The following LRRC4C variants were observed in gnomAD, a reference collection of about 807,000 sequenced individuals.
The protein encoded by LRRC4C is leucine-rich repeat-containing protein 4C.
A neutral mutation model predicts 33.6 loss-of-function variants in LRRC4C; 5 were observed. That is an observed-to-expected ratio of 0.15 (90% confidence interval 0.08 to 0.31). The LOEUF (loss-of-function observed/expected upper bound fraction) is 0.31, where lower values mean the gene tolerates loss of function less well. Among genes scored for constraint, LRRC4C ranks in the 10% least tolerant of loss-of-function variants. The pLI is 1.00. For missense variants in LRRC4C, 560 were observed against 796.7 expected, an observed-to-expected ratio of 0.70 and a Z score of 3.58; for synonymous variants, 329 against 302.0, an observed-to-expected ratio of 1.09 and a Z score of -0.93.
Position 40,756,891 on chromosome 11 carries a change from AC to A in LRRC4C, c.-406-108614del, listed in dbSNP as rs1358534035. 5.3e-5 allele frequency among the ~76,000 whole-genome samples: 8 copies of A among 150,382 alleles called. No homozygotes were observed. In the South Asian group the frequency reaches 6.3e-4, roughly 12 times the overall value. On this transcript the variant is annotated intron_variant, in intron 2 of 6. Transcript: ENST00000528697. ...GCTTCATCCCATTTCTTTCTGTCAG[AC>A]TTTTTTTTTTCAAAATTTCCTTGAG...
chr11:41,413,419 A>G (rs1954564690), intron 1 of LRRC4C, among the ~76,000 whole-genome samples: 1 of 152,208 alleles, frequency 6.6e-6, no homozygotes, highest in Non-Finnish European at 1.5e-5. Flanking sequence ...GGAATGACAC[A>G]TGATAAACAC....
At chr11:41,032,391 C>T (rs1856778662) in intron 1 of LRRC4C, among the ~76,000 whole-genome samples, 1 of 151,962 alleles carries the variant, frequency 6.6e-6, no homozygotes, top group African/African-American at 2.4e-5. Context: ...GAAAAATTCA[C>T]CCCAACCTGA....
chr11:41,107,035 G>A (rs1941542025), intron 1 of LRRC4C, among the ~76,000 whole-genome samples: 1 of 145,902 alleles, frequency 6.9e-6, no homozygotes, highest in Non-Finnish European at 1.5e-5. Context: ...AAATACTTGA[G>A]ACCAGAAGCG....
At chr11:40,645,121 A>G (rs1324626638) in intron 3 of LRRC4C, among the ~76,000 whole-genome samples, 1 of 152,138 alleles carries the variant, frequency 6.6e-6, no homozygotes, top group Non-Finnish European at 1.5e-5. Context: ...TAGCCCTGAT[A>G]CCTAAGTGGC....
intron 1 of LRRC4C, among the ~76,000 whole-genome samples, chr11:41,387,481 T>G (rs1363395841): frequency 1.3e-5 from 2 of 151,452 alleles, no homozygotes; most frequent in Admixed American, 6.6e-5. Context: ...AAGAAGAAAA[T>G]AAGAAGGATG....
At position 41,334,861 on chromosome 11, in the gene LRRC4C, GAAACAAACAAAC is replaced by G. The variant is rs149848168; in HGVS notation, c.-496+124558_-496+124569del. ...GAGAAAGACCATGTCTCCAAAGAACGAAACAAACAAACAAACAAACAAACAAACAAACAAAAA... is the reference window on the plus strand; with the variant it reads ...GAGAAAGACCATGTCTCCAAAGAACGAAACAAACAAACAAACAAACAAAAA... On this transcript the variant is annotated intron_variant, in intron 1 of 6. Coordinates refer to ENST00000528697, the MANE Select transcript of LRRC4C (RefSeq NM_001258419.2). Among the ~76,000 whole-genome samples, 773 of 150,746 alleles carry G rather than the reference GAAACAAACAAAC, an allele frequency of 5.1e-3. 3 individuals are homozygous for G. Among genetic ancestry groups the G allele is most frequent in the Middle Eastern group, 0.034 (10 of 292 alleles).
intron 1 of LRRC4C, among the ~76,000 whole-genome samples, chr11:40,942,212 GAGCTACT>G (rs1565224990): frequency 6.6e-6 from 1 of 152,116 alleles, no homozygotes; most frequent in Non-Finnish European, 1.5e-5. Context: ...GAATGGGAGT[GAGCTACT>G]AGCAGTCATT....
intron 5 of LRRC4C, among the ~76,000 whole-genome samples, chr11:40,210,070 A>G: frequency 6.6e-6 from 1 of 152,172 alleles, no homozygotes; most frequent in Non-Finnish European, 1.5e-5. Flanking sequence ...ATGAAGACAA[A>G]TAAACTTAAG....
At chr11:40,970,845 GT>G (rs1400472194) in intron 1 of LRRC4C, among the ~76,000 whole-genome samples, 1 of 152,174 alleles carries the variant, frequency 6.6e-6, no homozygotes, top group African/African-American at 2.4e-5. Flanking sequence ...TTAGCAAAGG[GT>G]TTAGCTGTTC....
intron 3 of LRRC4C, among the ~76,000 whole-genome samples, chr11:40,562,686 C>A (rs1240435137): frequency 1.3e-5 from 2 of 152,122 alleles, no homozygotes; most frequent in East Asian, 3.9e-4. Flanking sequence ...GATTTCTCTT[C>A]AAGAGGAAAC....
chr11:40,866,217 C>T (rs1954362608), intron 2 of LRRC4C, among the ~76,000 whole-genome samples: 1 of 146,542 alleles, frequency 6.8e-6, no homozygotes, highest in Admixed American at 6.8e-5. Context: ...ATCTTTATTT[C>T]CCTCTATTTT....
At chr11:40,864,836 T>C (rs2135882738) in intron 2 of LRRC4C, among the ~76,000 whole-genome samples, 1 of 152,352 alleles carries the variant, frequency 6.6e-6, no homozygotes, top group South Asian at 2.1e-4. Flanking sequence ...TTCAATATTC[T>C]CTACACTCAG....
intron 1 of LRRC4C, among the ~76,000 whole-genome samples, chr11:41,146,449 AG>A (rs1472790488): frequency 4.6e-5 from 7 of 152,318 alleles, no homozygotes; most frequent in African/African-American, 1.7e-4. Flanking sequence ...CTTTTTAACA[AG>A]GTGTCTGCTA....
chr11:41,042,532 G>A (rs1857502555), intron 1 of LRRC4C, among the ~76,000 whole-genome samples: 1 of 152,094 alleles, frequency 6.6e-6, no homozygotes, highest in African/African-American at 2.4e-5. Flanking sequence ...AATGTCTAAT[G>A]CACACTTCCT....
intron 2 of LRRC4C, among the ~76,000 whole-genome samples, chr11:40,853,261 G>T (rs997657767): frequency 4.3e-4 from 66 of 151,754 alleles, no homozygotes; most frequent in African/African-American, 1.5e-3. Context: ...ACTATGCTTT[G>T]TAATTAATAT....
intron 1 of LRRC4C, among the ~76,000 whole-genome samples, chr11:41,319,488 A>C (rs958372860): frequency 6.6e-6 from 1 of 152,200 alleles, no homozygotes; most frequent in African/African-American, 2.4e-5. Flanking sequence ...AGCCAAATTA[A>C]TTAAATGCAT....
intron 1 of LRRC4C, among the ~76,000 whole-genome samples, chr11:40,980,969 TATA>T (rs1852477218): frequency 1.3e-5 from 2 of 152,214 alleles, no homozygotes; most frequent in African/African-American, 2.4e-5. Flanking sequence ...ACTTAATTGT[TATA>T]ATAATTCTAT....
intron 3 of LRRC4C, among the ~76,000 whole-genome samples, chr11:40,511,783 G>A (rs1955328504): frequency 1.3e-5 from 2 of 152,156 alleles, no homozygotes; most frequent in African/African-American, 2.4e-5. Context: ...AGTTTCTGGA[G>A]ACCCTAGAAA....
intron 1 of LRRC4C, among the ~76,000 whole-genome samples, chr11:41,171,988 A>G (rs537546870): frequency 2.6e-5 from 4 of 152,206 alleles, no homozygotes; most frequent in African/African-American, 7.2e-5. Context: ...CTGCTTTCTT[A>G]TTACCTAAAA....
Sources: allele counts gnomAD v4.1 joint callset (sites outside exome capture counted in the v4.1 genomes callset), GRCh38; gene constraint gnomAD v4.1.1; transcripts MANE v1.5; gene names NCBI Gene and HGNC (gene_info 2026-07-23, HGNC 2026-07-21).